The following SH3TC2 variants were observed in gnomAD, a reference collection of about 807,000 sequenced individuals.
SH3TC2 encodes SH3 domain and tetratricopeptide repeats 2, also known as SH3 domain and tetratricopeptide repeat-containing protein 2.
Under a neutral mutation model 124.5 loss-of-function variants are expected in SH3TC2, and 87 were observed. The ratio of observed to expected loss-of-function variants is 0.70; its 90% confidence interval spans 0.59 to 0.84. SH3TC2 has a LOEUF of 0.84. Ranked by LOEUF, SH3TC2 falls within the 40% of genes least tolerant of loss-of-function variation. SH3TC2 has a pLI of 0.00. For missense variants in SH3TC2, 1,536 were observed against 1,566.4 expected, an observed-to-expected ratio of 0.98 and a Z score of 0.33; for synonymous variants, 634 against 628.5, an observed-to-expected ratio of 1.01 and a Z score of -0.13.
intron 1 of SH3TC2, among the ~76,000 whole-genome samples, chr5:149,055,263 C>A (rs888811445): frequency 6.6e-6 from 1 of 151,976 alleles, no homozygotes; most frequent in African/African-American, 2.4e-5. Context: ...AAATATTGAT[C>A]ATACGTATGT....
intron 12 of SH3TC2, among the ~76,000 whole-genome samples, chr5:149,020,329 T>C (rs1443656101): frequency 6.6e-6 from 1 of 151,672 alleles, no homozygotes; most frequent in Non-Finnish European, 1.5e-5. Context: ...CTGAAAGAAA[T>C]ACAGGACAAG....
chr5:149,016,293 C>T (rs1200020703), intron 12 of SH3TC2, among the ~76,000 whole-genome samples: 2 of 152,156 alleles, frequency 1.3e-5, no homozygotes, highest in African/African-American at 2.4e-5. Context: ...ACCCAGAACC[C>T]TTACATTTAC....
chr5:149,007,407 G>C (rs1321249530), intron 15 of SH3TC2: 1 of 571,810 alleles, frequency 1.7e-6, no homozygotes, highest in African/African-American at 1.9e-5. Context: ...CCTTATTGCA[G>C]ATGCTACTGT....
intron 12 of SH3TC2, among the ~76,000 whole-genome samples, chr5:149,020,113 A>AACACACACACACACACAC (rs56088659): frequency 0.029 from 4,272 of 146,820 alleles, 77 homozygotes; most frequent in Middle Eastern, 0.045. Flanking sequence ...GAAAAGGTCA[A>AACACACACACACACACAC]ACACACACAC....
intron 14 of SH3TC2, among the ~76,000 whole-genome samples, chr5:149,009,349 A>G (rs1561757820): frequency 6.6e-6 from 1 of 152,072 alleles, no homozygotes; most frequent in East Asian, 1.9e-4. Flanking sequence ...TCTATGAAGC[A>G]CACATGAGTA....
At chr5:149,016,786 G>T (rs946960186) in intron 12 of SH3TC2, among the ~76,000 whole-genome samples, 41 of 151,952 alleles carry the variant, frequency 2.7e-4, no homozygotes, top group Non-Finnish European at 5.7e-4. Flanking sequence ...TTAGCCGGGC[G>T]TGGTGGCGGG....
intron 12 of SH3TC2, among the ~76,000 whole-genome samples, chr5:149,013,998 T>C (rs1319751863): frequency 6.6e-6 from 1 of 152,210 alleles, no homozygotes; most frequent in Non-Finnish European, 1.5e-5. Context: ...GACTTGCTGA[T>C]CTAGTCCAAT....
At chr5:149,013,014 C>T (rs1273712258) in intron 12 of SH3TC2, among the ~76,000 whole-genome samples, 5 of 152,116 alleles carry the variant, frequency 3.3e-5, no homozygotes, top group Non-Finnish European at 5.9e-5. Flanking sequence ...CAACTAAGTG[C>T]TTAGAACAGT....
chr5:149,025,908 T>C (rs910090864), intron 12 of SH3TC2: 7 of 152,466 alleles, frequency 4.6e-5, no homozygotes, highest in African/African-American at 1.2e-4. Context: ...AGCCAAAAAG[T>C]CAACACTCCT....
At chr5:149,016,692 G>A (rs10035556) in intron 12 of SH3TC2, among the ~76,000 whole-genome samples, 282 of 152,216 alleles carry the variant, frequency 1.9e-3, no homozygotes, top group African/African-American at 6.3e-3. Context: ...TTGGAAGGCC[G>A]AGGCGGGCGG....
chr5:149,012,042 G>T (rs1434472144), intron 13 of SH3TC2, among the ~76,000 whole-genome samples: 2 of 152,130 alleles, frequency 1.3e-5, no homozygotes, highest in Non-Finnish European at 2.9e-5. Context: ...GATGTCATAT[G>T]GCAAGCCCAA....
rs1307193688 is a variant in SH3TC2, at chr5:149,004,518, C to G, written c.*193G>C. ...GATGCAAAGCCTGGAACCAGGAATT[C>G]TCATCGCTGCACCATCAAATCTTTC... On this transcript the variant is annotated 3_prime_UTR_variant, in exon 17 of 17. Transcript: ENST00000515425. The G allele has an allele frequency of 3.2e-6, 2 of 629,518 alleles. No homozygotes were observed. Among genetic ancestry groups the G allele is most frequent in the East Asian group, 5.6e-5 (2 of 35,846 alleles). 39.0% of individuals were successfully genotyped at this position (629,518 alleles called of 1,614,324 possible). A position where few individuals can be genotyped will look rare whatever the true frequency, so the allele number is the denominator to read the frequency against.
chr5:149,056,053 T>C, intron 1 of SH3TC2, among the ~76,000 whole-genome samples: 1 of 152,224 alleles, frequency 6.6e-6, no homozygotes. Context: ...CAATTCTATA[T>C]AAATGGTAAA....
At chr5:149,035,154 A>C (rs1216934664) in intron 8 of SH3TC2, among the ~76,000 whole-genome samples, 1 of 152,248 alleles carries the variant, frequency 6.6e-6, no homozygotes, top group Non-Finnish European at 1.5e-5. Flanking sequence ...TAGTGTCAAA[A>C]ATAGATTCCA....
rs573348447 is a variant in SH3TC2 at position 149,009,131 on chromosome 5, T to C, written c.3328-130A>G. On this transcript the variant is annotated intron_variant, in intron 14 of 16. Transcript: ENST00000515425. Reference sequence around the variant, plus strand: ...GACTAAAACAAAGGGGAGTCAGCCATGTTTCCCTGTGTGCCTTTACTCAAC... The same window carrying C: ...GACTAAAACAAAGGGGAGTCAGCCACGTTTCCCTGTGTGCCTTTACTCAAC... 16 of 1,031,288 alleles carry C rather than the reference T, an allele frequency of 1.6e-5. No individual in the cohort carries two copies. The African/African-American group carries it at 2.4e-4, about 15-fold the overall frequency. The allele number at this position is 1,031,288 out of a possible 1,614,324, so 63.9% of individuals were successfully genotyped here.
At chr5:149,050,097 T>G (rs925163825) in intron 2 of SH3TC2, among the ~76,000 whole-genome samples, 4 of 152,158 alleles carry the variant, frequency 2.6e-5, no homozygotes, top group African/African-American at 9.7e-5. Flanking sequence ...CTCCTTACCA[T>G]GCACATGAAT....
intron 12 of SH3TC2, among the ~76,000 whole-genome samples, chr5:149,021,458 T>C (rs1209380500): frequency 6.7e-6 from 1 of 150,090 alleles, no homozygotes; most frequent in Admixed American, 6.6e-5. Context: ...ATATAGAGAA[T>C]AGAAAAAAAT....
At chr5:149,038,270 G>C in intron 8 of SH3TC2, 25 bp downstream of exon 8, 1 of 1,609,162 alleles carries the variant, frequency 6.2e-7, no homozygotes, top group Non-Finnish European at 8.5e-7. Context: ...CCCAGCTCCA[G>C]GACATGCTCA....
chr5:149,008,801 T>C (rs774355034), intron 15 of SH3TC2, 50 bp downstream of exon 15: 3 of 1,612,202 alleles, frequency 1.9e-6, no homozygotes, highest in Non-Finnish European at 2.5e-6. Context: ...TGTCTATCCT[T>C]GACTAATCAC....
Sources: allele counts gnomAD v4.1 joint callset (sites outside exome capture counted in the v4.1 genomes callset), GRCh38; gene constraint gnomAD v4.1.1; transcripts MANE v1.5; gene names NCBI Gene and HGNC (gene_info 2026-07-23, HGNC 2026-07-21).